Variants in TEX14 observed in about 807,000 individuals in gnomAD.
The protein encoded by TEX14 is inactive serine/threonine-protein kinase TEX14.
In TEX14, 168 loss-of-function variants were observed where a neutral mutation model predicts 178.6. That is an observed-to-expected ratio of 0.94 (90% CI 0.83 to 1.07). The LOEUF (loss-of-function observed/expected upper bound fraction) is 1.07, where lower values mean the gene tolerates loss of function less well. Ranked by LOEUF, TEX14 falls within the 50% of genes least tolerant of loss-of-function variation. The probability of loss-of-function intolerance (pLI) is 0.00; values close to 1 mark genes in which losing one functional copy is unlikely to be tolerated. For synonymous variants in TEX14, 626 were observed against 634.1 expected (o/e 0.99, Z 0.19); for missense variants, 1,730 against 1,753.6 (o/e 0.99, Z 0.24).
At chr17:58,689,336 TCA>T (rs751934852) in intron 1 of TEX14, among the ~76,000 whole-genome samples, 2 of 152,128 alleles carry the variant, frequency 1.3e-5, no homozygotes, top group Non-Finnish European at 2.9e-5. Context: ...TTCTCCTGCC[TCA>T]GCCTCCTAAG....
chr17:58,629,823 A>G (rs983984185), intron 3 of TEX14, among the ~76,000 whole-genome samples: 6 of 151,082 alleles, frequency 4.0e-5, no homozygotes, highest in African/African-American at 1.5e-4. Context: ...CGACAGAGCT[A>G]GACTCCGTCT....
chr17:58,632,726 T>C (rs547654765), intron 2 of TEX14, among the ~76,000 whole-genome samples: 51 of 152,142 alleles, frequency 3.4e-4, no homozygotes, highest in Admixed American at 6.5e-4. Flanking sequence ...GGTCAGCCCA[T>C]AAAAGGGAAG....
intron 13 of TEX14, among the ~76,000 whole-genome samples, chr17:58,599,870 T>C (rs2045387279): frequency 6.6e-6 from 1 of 152,160 alleles, no homozygotes; most frequent in Non-Finnish European, 1.5e-5. Context: ...AGCTCCTATT[T>C]TGACATGGAA....
chr17:58,578,510 A>G (rs1193868962), intron 20 of TEX14, among the ~76,000 whole-genome samples: 1 of 152,140 alleles, frequency 6.6e-6, no homozygotes. Context: ...ATATCAGAAC[A>G]GTAGAAGGAA....
At chr17:58,584,840 T>C (rs944374508) in intron 18 of TEX14, among the ~76,000 whole-genome samples, 2 of 152,136 alleles carry the variant, frequency 1.3e-5, no homozygotes, top group Non-Finnish European at 2.9e-5. Flanking sequence ...AGATTCTAAA[T>C]ACAAATAATA....
intron 3 of TEX14, among the ~76,000 whole-genome samples, chr17:58,623,778 G>GAGA (rs1165387030): frequency 7.3e-6 from 1 of 136,354 alleles, no homozygotes; most frequent in African/African-American, 2.7e-5. Context: ...GGAGGAGGAG[G>GAGA]AGAAGAAGGA....
At chr17:58,634,581 C>T (rs1428152288) in intron 2 of TEX14, among the ~76,000 whole-genome samples, 5 of 152,140 alleles carry the variant, frequency 3.3e-5, no homozygotes, top group Non-Finnish European at 7.3e-5. Context: ...AGGAACTGCC[C>T]AATGTATCTC....
At chr17:58,665,688 C>T (rs1183796498) in intron 1 of TEX14, among the ~76,000 whole-genome samples, 3 of 151,830 alleles carry the variant, frequency 2.0e-5, no homozygotes, top group Non-Finnish European at 4.4e-5. Flanking sequence ...CAGCTTTAAA[C>T]AGTAAGCAAC....
chr17:58,596,409 G>A (rs917581911), intron 14 of TEX14, among the ~76,000 whole-genome samples: 27 of 152,004 alleles, frequency 1.8e-4, no homozygotes, highest in African/African-American at 5.8e-4. Flanking sequence ...AGCCTCCCAA[G>A]TAGCTGGGAC....
At chr17:58,641,332 T>C (rs55927069) in intron 2 of TEX14, among the ~76,000 whole-genome samples, 1 of 151,552 alleles carries the variant, frequency 6.6e-6, no homozygotes, top group Admixed American at 6.6e-5. Flanking sequence ...ATCACTTGAA[T>C]CTGGGAGGAG....
At chr17:58,627,913 C>T (rs1436054971) in intron 3 of TEX14, among the ~76,000 whole-genome samples, 2 of 75,672 alleles carry the variant, frequency 2.6e-5, no homozygotes, top group East Asian at 3.9e-4. Flanking sequence ...CCCATGCCAC[C>T]TTTTTTTTTT....
intron 14 of TEX14, among the ~76,000 whole-genome samples, chr17:58,597,535 T>C (rs915249502): frequency 6.6e-6 from 1 of 152,190 alleles, no homozygotes; most frequent in African/African-American, 2.4e-5. Context: ...ATATCAGTAA[T>C]AACATCCGCC....
intron 2 of TEX14, chr17:58,631,175 C>T (rs2144578830): frequency 2.0e-6 from 2 of 984,652 alleles, no homozygotes; most frequent in Admixed American, 6.1e-5. Flanking sequence ...TGAAATCCCA[C>T]AAGCCTGGAG....
At chr17:58,581,858 C>CT in intron 19 of TEX14, 2 of 968,368 alleles carry the variant, frequency 2.1e-6, no homozygotes, top group South Asian at 3.2e-5. Context: ...ACTGAGCTGA[C>CT]TCTCCCTACC....
intron 1 of TEX14, among the ~76,000 whole-genome samples, chr17:58,658,232 A>G (rs903363993): frequency 6.6e-6 from 1 of 151,980 alleles, no homozygotes; most frequent in Admixed American, 6.6e-5. Flanking sequence ...CTCTTTCTCT[A>G]TTGCAATTCC....
In TEX14 at chr17:58,629,179, G is replaced by A. The variant is rs1258698552; in HGVS notation, c.251+1261C>T. ...AAGTGCTTCACAAAAAGAGATGTTC[G>A]GCCAAGTACAGTGGCTCACACCTGT... On this transcript the variant is annotated intron_variant, in intron 3 of 31. Transcript: ENST00000349033. Among the ~76,000 whole-genome samples, 16 of 152,146 alleles carry A rather than the reference G, an allele frequency of 1.1e-4. 1 individual carries two copies. The highest frequency in any genetic ancestry group is 9.2e-4 in the Admixed American group (14 of 15,274).
chr17:58,652,369 T>C (rs990533707), intron 1 of TEX14, among the ~76,000 whole-genome samples: 2 of 152,182 alleles, frequency 1.3e-5, no homozygotes, highest in African/African-American at 4.8e-5. Flanking sequence ...TGGTGGCGGT[T>C]ACCCTCATGC....
chr17:58,609,210 C>T (rs1490942196), intron 10 of TEX14, among the ~76,000 whole-genome samples: 1 of 152,144 alleles, frequency 6.6e-6, no homozygotes, highest in Non-Finnish European at 1.5e-5. Context: ...CCCAGGTTCA[C>T]GCCATTCTCC....
At chr17:58,623,827 G>A (rs2046065572) in intron 3 of TEX14, among the ~76,000 whole-genome samples, 2 of 149,246 alleles carry the variant, frequency 1.3e-5, no homozygotes, top group African/African-American at 2.5e-5. Flanking sequence ...GAAGGGGAGG[G>A]GGAGGCAGAG....
Sources: gnomAD v4.1 joint callset for allele counts (sites outside exome capture counted in the v4.1 genomes callset) on GRCh38, gnomAD v4.1.1 for gene constraint, MANE v1.5 for transcripts, NCBI Gene and HGNC (gene_info 2026-07-23, HGNC 2026-07-21) for gene names.